Variants in CCNB3 observed in about 807,000 individuals in gnomAD.
CCNB3 encodes cyclin B3.
A neutral mutation model predicts 68.0 loss-of-function variants in CCNB3; 12 were observed. That is an observed-to-expected ratio of 0.18 (90% confidence interval 0.11 to 0.29). CCNB3 has a LOEUF of 0.29. Ranked by LOEUF, CCNB3 falls within the 10% of genes least tolerant of loss-of-function variation. The pLI, the probability that CCNB3 is intolerant of heterozygous loss-of-function variation, is 1.00. For synonymous variants in CCNB3, 354 were observed against 388.9 expected, an observed-to-expected ratio of 0.91 and a Z score of 1.06; for missense variants, 904 against 993.1, an observed-to-expected ratio of 0.91 and a Z score of 1.21.
At chrX:50,226,611 A>C (rs1301965683) in intron 1 of CCNB3, among the ~76,000 whole-genome samples, 1 of 80,412 alleles carries the variant, frequency 1.2e-5, no homozygotes, top group Non-Finnish European at 2.2e-5. Context: ...ATATATCTAT[A>C]AATATATATA....
In CCNB3 at chrX:50,294,812, T is replaced by C. The variant is rs782766037; in HGVS notation, c.205-51T>C. On this transcript the variant is annotated intron_variant, in intron 4 of 12. Transcript: ENST00000376042. Reference sequence around the variant, plus strand: ...TTTAGGTAATTTGTGGTTTTCTTCATTTTCTTGCCTCCTTCTTCCCCTGCC... The same window carrying C: ...TTTAGGTAATTTGTGGTTTTCTTCACTTTCTTGCCTCCTTCTTCCCCTGCC... 3.4e-6 allele frequency: 4 copies of C among 1,160,606 alleles called. No individual in the cohort carries two copies. The East Asian group carries it at 1.2e-4, about 35-fold the overall frequency.
chrX:50,315,093 G>A (rs1921652367), intron 8 of CCNB3, among the ~76,000 whole-genome samples: 1 of 111,547 alleles, frequency 9.0e-6, no homozygotes, highest in Admixed American at 9.5e-5. Flanking sequence ...ACCCCAAACT[G>A]CTGTTCTCAT....
At chrX:50,339,297 G>A (rs1923005873) in intron 8 of CCNB3, among the ~76,000 whole-genome samples, 1 of 112,135 alleles carries the variant, frequency 8.9e-6, no homozygotes, top group Non-Finnish European at 1.9e-5. Context: ...ACAACTCGAA[G>A]TGGGGAGGGG....
intron 7 of CCNB3, 111 bp downstream of exon 7, chrX:50,312,743 A>C (rs1202169129): frequency 4.0e-6 from 2 of 496,781 alleles, no homozygotes; most frequent in African/African-American, 4.8e-5. Context: ...AAAAATAATA[A>C]TAGCAACAAC....
chrX:50,226,623 A>G (rs1198779830), intron 1 of CCNB3, among the ~76,000 whole-genome samples: 2 of 81,591 alleles, frequency 2.5e-5, no homozygotes, highest in African/African-American at 9.7e-5. Flanking sequence ...ATATATATAT[A>G]GAATATATCT....
At chrX:50,339,354 G>T (rs1421050011) in intron 8 of CCNB3, among the ~76,000 whole-genome samples, 1 of 112,222 alleles carries the variant, frequency 8.9e-6, no homozygotes, top group Non-Finnish European at 1.9e-5. Flanking sequence ...GCATTCTTTC[G>T]AGTTTCTGAT....
intron 8 of CCNB3, among the ~76,000 whole-genome samples, chrX:50,314,366 T>G (rs1405286948): frequency 1.8e-5 from 2 of 111,552 alleles, no homozygotes; most frequent in Non-Finnish European, 3.8e-5. Flanking sequence ...GGTAGCTGTT[T>G]GTCCAAGGTG....
intron 8 of CCNB3, among the ~76,000 whole-genome samples, chrX:50,337,720 T>C (rs989356058): frequency 4.5e-5 from 5 of 111,402 alleles, no homozygotes; most frequent in Admixed American, 9.5e-5. Context: ...TATGTTTCCT[T>C]GAGACAAAAC....
chrX:50,228,626 A>C (rs1372051636), intron 1 of CCNB3, among the ~76,000 whole-genome samples: 2 of 83,628 alleles, frequency 2.4e-5, no homozygotes, highest in Middle Eastern at 0.018. Context: ...GAATATATAT[A>C]GAATATACAT....
chrX:50,279,293 T>G (rs1936028552), intron 1 of CCNB3, among the ~76,000 whole-genome samples: 1 of 71,938 alleles, frequency 1.4e-5, no homozygotes, highest in African/African-American at 6.1e-5. Flanking sequence ...CATATATAAA[T>G]ATATATGAAT....
chrX:50,280,021 AATAT>A (rs1207765337), intron 1 of CCNB3, among the ~76,000 whole-genome samples: 3 of 86,194 alleles, frequency 3.5e-5, no homozygotes, highest in Non-Finnish European at 6.3e-5. Flanking sequence ...AAATATATAG[AATAT>A]ATATAAATAT....
chrX:50,223,101 T>C (rs1455129968), intron 1 of CCNB3, among the ~76,000 whole-genome samples: 5 of 111,041 alleles, frequency 4.5e-5, no homozygotes, highest in Admixed American at 3.9e-4. Context: ...TGCTGTGTTT[T>C]TCAGCTCCAT....
At chrX:50,335,885 A>G (rs887682320) in intron 8 of CCNB3, among the ~76,000 whole-genome samples, 4 of 111,674 alleles carry the variant, frequency 3.6e-5, no homozygotes, top group African/African-American at 6.5e-5. Flanking sequence ...TCAGGCATAT[A>G]CAAGAACTGG....
intron 5 of CCNB3, among the ~76,000 whole-genome samples, chrX:50,297,542 A>G (rs1358138587): frequency 5.3e-5 from 6 of 112,193 alleles, no homozygotes; most frequent in Non-Finnish European, 7.5e-5. Context: ...GCCTTGTAGT[A>G]TAGTTTGAAG....
At chrX:50,279,671 T>C (rs1936062647) in intron 1 of CCNB3, among the ~76,000 whole-genome samples, 2 of 90,603 alleles carry the variant, frequency 2.2e-5, no homozygotes, top group South Asian at 9.6e-4. Flanking sequence ...AATATATGAA[T>C]ATGTACATTC....
At chrX:50,203,275 G>A (rs1448637885), upstream of CCNB3, among the ~76,000 whole-genome samples, 2 of 112,045 alleles carry the variant, frequency 1.8e-5, no homozygotes, top group Admixed American at 9.4e-5. Context: ...TGGGACCTGC[G>A]TTTATAATAT....
chrX:50,326,239 C>A (rs1223236977), intron 8 of CCNB3, among the ~76,000 whole-genome samples: 5 of 111,462 alleles, frequency 4.5e-5, no homozygotes, highest in Non-Finnish European at 7.5e-5. Context: ...TTCATTCCTT[C>A]TTCTGATTTT....
At chrX:50,226,191 A>ATATATATAGAATATATATATT (rs1179750360) in intron 1 of CCNB3, among the ~76,000 whole-genome samples, 7 of 65,003 alleles carry the variant, frequency 1.1e-4, no homozygotes, top group Non-Finnish European at 1.7e-4. Flanking sequence ...AGATATATAA[A>ATATATATAGAATATATATATT]TATATATAGA....
rs781802833 is a variant in CCNB3 at position 50,311,427 on chromosome X, C to T, written c.3258C>T (p.Thr1086=). The change falls in exon 6 of 13, where the codon ACC becomes ACT. Residue 1086 remains threonine (T), a synonymous_variant. Transcript: ENST00000376042. ...GCGTGGGCAAGTCCAGGACCACCAC[C>T]GAGTCCAGTGCATGTGAATCTGCTT... ...MTSVGKSRTT[T]ESSACESASD... is the part of the protein sequence containing the mutation. 2.7e-5 allele frequency: 33 copies of T among 1,211,018 alleles called. No homozygotes were observed. The highest frequency in any genetic ancestry group is 3.5e-5 in the Non-Finnish European group (31 of 895,328).
Sources: gnomAD v4.1 joint callset for allele counts (sites outside exome capture counted in the v4.1 genomes callset) on GRCh38, gnomAD v4.1.1 for gene constraint, MANE v1.5 for transcripts, NCBI Gene and HGNC (gene_info 2026-07-23, HGNC 2026-07-21) for gene names.